USP31: variants seen among roughly 807,000 people sequenced by gnomAD.
USP31 encodes ubiquitin carboxyl-terminal hydrolase 31.
In USP31, 44 loss-of-function variants were observed where a neutral mutation model predicts 119.4. The ratio of observed to expected loss-of-function variants is 0.37; its 90% CI spans 0.29 to 0.47. The LOEUF is 0.47. USP31 is among the 20% of genes least tolerant of loss of function. The pLI, the probability that USP31 is intolerant of heterozygous loss-of-function variation, is 0.99. For missense variants in USP31, 1,643 were observed against 1,730.2 expected (o/e 0.95, Z 0.89); for synonymous variants, 749 against 705.6 (o/e 1.06, Z -0.97).
intron 13 of USP31, chr16:23,079,323 T>C (rs1460525286): frequency 6.6e-6 from 1 of 152,238 alleles, no homozygotes. Flanking sequence ...CTAAATTTCA[T>C]GATGAACATA....
intron 1 of USP31, chr16:23,115,904 C>G (rs1188251402): frequency 1.9e-6 from 1 of 534,140 alleles, no homozygotes; most frequent in Non-Finnish European, 2.4e-6. Context: ...GGTCTTTCTT[C>G]CTGTAGAGCC....
At chr16:23,134,759 TAAGGG>T (rs539415428) in intron 1 of USP31, among the ~76,000 whole-genome samples, 8 of 146,396 alleles carry the variant, frequency 5.5e-5, no homozygotes, top group Non-Finnish European at 1.1e-4. Context: ...ACAAAAGCAG[TAAGGG>T]AAAAGGTCAG....
At chr16:23,136,199 A>C (rs1323705750) in intron 1 of USP31, among the ~76,000 whole-genome samples, 1 of 152,254 alleles carries the variant, frequency 6.6e-6, no homozygotes, top group Admixed American at 6.5e-5. Context: ...TACAAAAATT[A>C]ATTCAAAATG....
At chr16:23,105,616 T>C (rs750597627) in intron 4 of USP31, 40 bp from the exon 5 acceptor site, 3 of 1,491,978 alleles carry the variant, frequency 2.0e-6, no homozygotes. Flanking sequence ...TAGTCACTTA[T>C]TTCAACTAAA....
chr16:23,069,976 A>AGG (rs781546378), intron 15 of USP31, among the ~76,000 whole-genome samples: 4 of 152,228 alleles, frequency 2.6e-5, no homozygotes, highest in African/African-American at 4.8e-5. Context: ...AAGCAGCCAC[A>AGG]GGTGACACGT....
At chr16:23,143,324 T>C (rs1903405095) in intron 1 of USP31, among the ~76,000 whole-genome samples, 1 of 152,244 alleles carries the variant, frequency 6.6e-6, no homozygotes, top group Non-Finnish European at 1.5e-5. Flanking sequence ...TCCATCTTTT[T>C]ACTTGCTGCA....
chr16:23,122,902 G>A (rs907034605), intron 1 of USP31, among the ~76,000 whole-genome samples: 2 of 152,094 alleles, frequency 1.3e-5, no homozygotes, highest in African/African-American at 4.8e-5. Flanking sequence ...GAATATAATC[G>A]AACTGTACAC....
At chr16:23,113,414 G>A (rs755455850) in intron 1 of USP31, among the ~76,000 whole-genome samples, 3 of 152,140 alleles carry the variant, frequency 2.0e-5, no homozygotes, top group African/African-American at 4.8e-5. Context: ...AAAAGGTCAC[G>A]GAAAAGCTGC....
rs909235896 is a variant in USP31, at chr16:23,108,612, G to C, written c.634-429C>G. ...AAGAAATACTATATAAGTGAAAAAA[G>C]GTTATAAATAAGTAGTGTGAAATGT... On this transcript the variant is annotated intron_variant, in intron 1 of 15. Coordinates refer to ENST00000219689, the MANE Select transcript of USP31 (RefSeq NM_020718.4). Among the ~76,000 whole-genome samples the C allele has an allele frequency of 3.9e-5, 6 of 152,170 alleles. No homozygotes were observed. In the East Asian group the frequency reaches 9.7e-4, roughly 24 times the overall value.
intron 1 of USP31, among the ~76,000 whole-genome samples, chr16:23,140,348 G>T (rs1903318502): frequency 6.6e-6 from 1 of 152,106 alleles, no homozygotes; most frequent in Non-Finnish European, 1.5e-5. Context: ...ACTTGGAGTA[G>T]GGGGGAGTAC....
In USP31 at chr16:23,069,242, T is replaced by C. The variant is rs548107362; in HGVS notation, c.2863A>G (p.Thr955Ala). 3.1e-6 allele frequency: 5 copies of C among 1,614,166 alleles called. No homozygotes were observed. In the African/African-American group the frequency reaches 5.3e-5, roughly 17 times the overall value. Residue 955 changes from threonine to alanine, a missense_variant, in exon 16 of 16, where the codon ACC becomes GCC. By Grantham distance (58) the Thr-to-Ala change is moderately conservative. This residue lies in a region of USP31 where 699 missense variants were observed against 650.9 expected (regional missense o/e 1.07). Transcript: ENST00000219689. ...MEGVFKDESDTRRLNSSVVDT... is the reference protein window; with the variant it reads ...MEGVFKDESDARRLNSSVVDT... ...ACGACACTGGAGTTCAATCTGCGGG[T>C]GTCCGATTCGTCTTTGAACACGCCT...
At chr16:23,101,969 TTAAAAAAAAA>T (rs1333024306) in intron 6 of USP31, among the ~76,000 whole-genome samples, 5 of 115,164 alleles carry the variant, frequency 4.3e-5, no homozygotes, top group Admixed American at 9.9e-5. Context: ...ATAGCAAAAT[TTAAAAAAAAA>T]AAAAAAAAAA....
At chr16:23,087,911 T>C in intron 7 of USP31, 76 bp from the exon 8 acceptor site, 1 of 1,273,952 alleles carries the variant, frequency 7.8e-7, no homozygotes, top group Non-Finnish European at 1.1e-6. Flanking sequence ...TTTCTCGATC[T>C]CTTAAAACGG....
intron 1 of USP31, among the ~76,000 whole-genome samples, chr16:23,119,105 CTTTTT>C (rs34893925): frequency 7.0e-6 from 1 of 143,852 alleles, no homozygotes; most frequent in Non-Finnish European, 1.5e-5. Flanking sequence ...TTCTTTTTTT[CTTTTT>C]TTTTTTTTGA....
In USP31 at chr16:23,148,899, C is replaced by T; in HGVS notation, c.372G>A (p.Val124=). ...PAPPACAAEP[V]PGVAGLRNHG... ...GGTTGCGGAGCCCCGCCACGCCGGG[C>T]ACCGGCTCGGCGGCGCAAGCGGGCG... is the stretch of plus-strand genomic sequence containing the variant. Residue 124 remains valine, a synonymous_variant, in exon 1 of 16, where the codon GTG becomes GTA. Coordinates refer to ENST00000219689, the MANE Select transcript of USP31 (RefSeq NM_020718.4). The T allele has an allele frequency of 7.0e-7, 1 of 1,434,004 alleles. No individual in the cohort carries two copies. The highest frequency in any genetic ancestry group is 1.5e-5 in the African/African-American group (1 of 68,162). 88.8% of individuals were successfully genotyped at this position (1,434,004 alleles called of 1,614,324 possible). A position where few individuals can be genotyped will look rare whatever the true frequency, so the allele number is the denominator to read the frequency against.
intron 13 of USP31, among the ~76,000 whole-genome samples, chr16:23,075,098 C>T (rs558063497): frequency 2.8e-4 from 43 of 152,192 alleles, no homozygotes; most frequent in African/African-American, 9.4e-4. Context: ...AGACAAGTCC[C>T]CCAAAATGAG....
At chr16:23,069,651 C>G in intron 15 of USP31, 35 bp from the exon 16 acceptor site, 1 of 1,554,694 alleles carries the variant, frequency 6.4e-7, no homozygotes, top group Non-Finnish European at 8.7e-7. Flanking sequence ...TTAAGTTAAG[C>G]CAATGAAGAC....
At chr16:23,116,222 C>CA (rs915822966) in intron 1 of USP31, among the ~76,000 whole-genome samples, 55 of 151,290 alleles carry the variant, frequency 3.6e-4, no homozygotes, top group East Asian at 2.9e-3. Context: ...AACAAACAAA[C>CA]AAAAAAAACA....
At position 23,109,473 on chromosome 16, in the gene USP31, A is replaced by T. The variant is rs900127100; in HGVS notation, c.634-1290T>A. ...TATAATTAAATGACTGAATGAACAA[A>T]TAGGGAGAAGAGGCAAATCTTCCTT... On this transcript the variant is annotated intron_variant, in intron 1 of 15. Coordinates refer to ENST00000219689, the MANE Select transcript of USP31 (RefSeq NM_020718.4). 2.0e-5 allele frequency among the ~76,000 whole-genome samples: 3 copies of T among 152,216 alleles called. No homozygotes were observed. In the East Asian group the frequency reaches 5.8e-4, roughly 29 times the overall value.
Sources: allele counts gnomAD v4.1 joint callset (sites outside exome capture counted in the v4.1 genomes callset), GRCh38; gene constraint gnomAD v4.1.1; regional missense constraint gnomAD v4.1.1; transcripts MANE v1.5; gene names NCBI Gene and HGNC (gene_info 2026-07-23, HGNC 2026-07-21).